ARMC3: variants seen among roughly 807,000 people sequenced by gnomAD.
ARMC3 encodes armadillo repeat containing 3.
In ARMC3, 74 loss-of-function variants were observed where a neutral mutation model predicts 90.3. The observed-to-expected ratio is 0.82, with a 90% confidence interval of 0.68 to 0.99. The LOEUF (loss-of-function observed/expected upper bound fraction) is 0.99, where lower values mean the gene tolerates loss of function less well. ARMC3 is among the 50% of genes least tolerant of loss of function. The pLI, the probability that ARMC3 is intolerant of heterozygous loss-of-function variation, is 0.00. For missense variants in ARMC3, 958 were observed against 1,042.8 expected, an observed-to-expected ratio of 0.92 and a Z score of 1.12; for synonymous variants, 334 against 361.8, an observed-to-expected ratio of 0.92 and a Z score of 0.87.
At chr10:23,034,966 C>T (rs1379813452) in intron 18 of ARMC3, among the ~76,000 whole-genome samples, 1 of 152,150 alleles carries the variant, frequency 6.6e-6, no homozygotes, top group Non-Finnish European at 1.5e-5. Flanking sequence ...ATATGAGTGT[C>T]TCATAGGCAC....
intron 11 of ARMC3, among the ~76,000 whole-genome samples, chr10:23,001,185 A>G (rs1043798510): frequency 7.2e-5 from 11 of 152,172 alleles, no homozygotes; most frequent in African/African-American, 2.7e-4. Flanking sequence ...CCTCAATCTT[A>G]GGGACTGTGT....
At chr10:22,933,159 G>A (rs939692712) in intron 2 of ARMC3, among the ~76,000 whole-genome samples, 2 of 152,096 alleles carry the variant, frequency 1.3e-5, no homozygotes, top group Non-Finnish European at 2.9e-5. Flanking sequence ...CTGTCTTCCC[G>A]GGTCCAGGAA....
chr10:22,991,352 C>T (rs972341851), intron 10 of ARMC3, among the ~76,000 whole-genome samples: 1 of 152,186 alleles, frequency 6.6e-6, no homozygotes, highest in African/African-American at 2.4e-5. Flanking sequence ...GCTTCTTCCA[C>T]TGGGGGCCGG....
At chr10:22,995,140 A>G (rs1466150973) in intron 10 of ARMC3, among the ~76,000 whole-genome samples, 8 of 152,222 alleles carry the variant, frequency 5.3e-5, no homozygotes, top group African/African-American at 1.4e-4. Context: ...TAAAAATATG[A>G]CAGGCTTCAG....
intron 10 of ARMC3, among the ~76,000 whole-genome samples, chr10:22,995,100 A>G (rs968353526): frequency 6.6e-6 from 1 of 152,244 alleles, no homozygotes; most frequent in Admixed American, 6.5e-5. Flanking sequence ...GGATAATGCT[A>G]TACTATTTGG....
intron 2 of ARMC3, among the ~76,000 whole-genome samples, chr10:22,945,842 A>G (rs1834504542): frequency 6.6e-6 from 1 of 152,218 alleles, no homozygotes; most frequent in South Asian, 2.1e-4. Context: ...ATCAAACAGA[A>G]AAAGAAATTG....
At chr10:23,002,151 G>C (rs867071396) in intron 12 of ARMC3, 96 bp downstream of exon 12, 1 of 1,486,904 alleles carries the variant, frequency 6.7e-7, no homozygotes, top group East Asian at 2.4e-5. Context: ...CCAAGTCTCC[G>C]CTGCTCTCTC....
Position 23,037,516 on chromosome 10 carries a change from A to C in ARMC3, c.*37A>C. Reference sequence around the variant, plus strand: ...AACACAAGAGAGGCTCAAACAAGAAATTCACTGTGTACACTCTCTAAGACA... The same window carrying C: ...AACACAAGAGAGGCTCAAACAAGAACTTCACTGTGTACACTCTCTAAGACA... On this transcript the variant is annotated 3_prime_UTR_variant, in exon 19 of 19. Coordinates refer to ENST00000298032, the MANE Select transcript of ARMC3 (RefSeq NM_173081.5). The C allele has an allele frequency of 6.4e-7, 1 of 1,560,082 alleles. No homozygotes were observed. The highest frequency in any genetic ancestry group is 8.8e-7 in the Non-Finnish European group (1 of 1,138,660).
intron 8 of ARMC3, among the ~76,000 whole-genome samples, chr10:22,976,539 C>G (rs934915082): frequency 2.6e-5 from 4 of 152,178 alleles, no homozygotes; most frequent in Admixed American, 2.6e-4. Context: ...TTCAAATTAC[C>G]AGACCAGCCT....
Position 22,959,514 on chromosome 10 carries a change from G to A in ARMC3, c.477G>A (p.Leu159=). ...HGGLEPLIRL[L]SSPDPDVKKN... ...GATTAGAGCCACTCATCAGACTACT[G>A]AGTAGCCCTGACCCGGATGTAAAGA... The change falls in exon 6 of 19, where the codon CTG becomes CTA. Residue 159 remains leucine, a synonymous_variant. Transcript: ENST00000298032. 1 of 1,613,952 alleles carries A rather than the reference G, an allele frequency of 6.2e-7. No homozygotes were observed. Among genetic ancestry groups the A allele is most frequent in the Non-Finnish European group, 8.5e-7 (1 of 1,179,964 alleles).
At chr10:22,994,681 C>A (rs1836873532) in intron 10 of ARMC3, among the ~76,000 whole-genome samples, 1 of 152,072 alleles carries the variant, frequency 6.6e-6, no homozygotes, top group Non-Finnish European at 1.5e-5. Context: ...GGAGGAAGGA[C>A]TGGAGGGGGT....
intron 2 of ARMC3, among the ~76,000 whole-genome samples, chr10:22,933,454 C>T (rs993269609): frequency 1.3e-5 from 2 of 152,138 alleles, no homozygotes; most frequent in Non-Finnish European, 2.9e-5. Context: ...CTCTGGACTC[C>T]AATCCTTGGG....
In ARMC3 at chr10:22,946,261, G is replaced by T. The variant is rs758024069; in HGVS notation, c.166G>T (p.Gly56Cys). ...CEAIYKFALK[G>C]EENKTTLLEL... is the part of the protein sequence containing the mutation. ...AGCCATTTATAAATTTGCTTTAAAA[G>T]GTTTGGATTTTTTTCAGTTTATCTT... Residue 56 changes from glycine to cysteine, a missense_variant and splice_region_variant, in exon 3 of 19, where the codon GGT becomes TGT. Transcript: ENST00000298032. 3.8e-6 allele frequency: 6 copies of T among 1,577,138 alleles called. No homozygotes were observed. The highest frequency in any genetic ancestry group is 5.2e-6 in the Non-Finnish European group (6 of 1,152,160).
In ARMC3 at chr10:23,001,885, T is replaced by C. The variant is rs776795773; in HGVS notation, c.1426-34T>C. ...AAGCACAAATAGTTACATTCTACACTCTTAATGTGTAACATTTTGGTTTCT... is the reference window on the plus strand; with the variant it reads ...AAGCACAAATAGTTACATTCTACACCCTTAATGTGTAACATTTTGGTTTCT... On this transcript the variant is annotated intron_variant, in intron 11 of 18. Coordinates refer to ENST00000298032, the MANE Select transcript of ARMC3 (RefSeq NM_173081.5). 4.4e-6 allele frequency: 7 copies of C among 1,607,966 alleles called. No homozygotes were observed. In the Admixed American group the frequency reaches 1.0e-4, roughly 23 times the overall value.
intron 7 of ARMC3, among the ~76,000 whole-genome samples, chr10:22,967,111 C>A (rs537784998): frequency 6.6e-6 from 1 of 152,082 alleles, no homozygotes; most frequent in Non-Finnish European, 1.5e-5. Flanking sequence ...TGTTGTAATT[C>A]GAGTCCAGGG....
At chr10:23,035,792 A>G (rs1257645662) in intron 18 of ARMC3, among the ~76,000 whole-genome samples, 1 of 151,942 alleles carries the variant, frequency 6.6e-6, no homozygotes, top group African/African-American at 2.4e-5. Context: ...CCCAGCTCCT[A>G]GTGGCAGGCT....
chr10:23,021,952 C>A (rs1283675063), intron 16 of ARMC3, among the ~76,000 whole-genome samples: 1 of 152,026 alleles, frequency 6.6e-6, no homozygotes, highest in Admixed American at 6.6e-5. Flanking sequence ...TTTCTCAGAG[C>A]AAAAGTTTTT....
intron 17 of ARMC3, chr10:23,031,258 G>A (rs1838915535): frequency 6.0e-6 from 1 of 165,420 alleles, no homozygotes; most frequent in Non-Finnish European, 1.3e-5. Context: ...CTCTAAGTGG[G>A]GTGTGAGCAT....
chr10:22,932,117 C>A, intron 2 of ARMC3, 73 bp downstream of exon 2: 2 of 1,361,378 alleles, frequency 1.5e-6, no homozygotes, highest in Non-Finnish European at 2.0e-6. Flanking sequence ...CACAGTTTGG[C>A]ATGTACCAGT....
Sources: allele counts gnomAD v4.1 joint callset (sites outside exome capture counted in the v4.1 genomes callset), GRCh38; gene constraint gnomAD v4.1.1; transcripts MANE v1.5; gene names NCBI Gene and HGNC (gene_info 2026-07-23, HGNC 2026-07-21).